The following ENPP6 variants were observed in gnomAD, a reference collection of about 807,000 sequenced individuals.
ENPP6 encodes ectonucleotide pyrophosphatase/phosphodiesterase 6.
In ENPP6, 32 loss-of-function variants were observed where a neutral mutation model predicts 42.0. That is an observed-to-expected ratio of 0.76 (90% confidence interval 0.58 to 1.02). The LOEUF (loss-of-function observed/expected upper bound fraction) is 1.02, where lower values mean the gene tolerates loss of function less well. Among genes scored for constraint, ENPP6 ranks in the 50% least tolerant of loss-of-function variants. The pLI is 0.00. For missense variants in ENPP6, 552 were observed against 566.8 expected, an observed-to-expected ratio of 0.97 and a Z score of 0.27; for synonymous variants, 213 against 216.0, an observed-to-expected ratio of 0.99 and a Z score of 0.12.
intron 1 of ENPP6, among the ~76,000 whole-genome samples, chr4:184,168,379 C>T (rs1056851894): frequency 6.6e-6 from 1 of 152,136 alleles, no homozygotes; most frequent in African/African-American, 2.4e-5. Flanking sequence ...GGGATGGGGC[C>T]GGACAGTCCA....
intron 1 of ENPP6, among the ~76,000 whole-genome samples, chr4:184,183,153 G>A (rs776595755): frequency 4.6e-5 from 7 of 152,326 alleles, no homozygotes; most frequent in East Asian, 1.9e-4. Flanking sequence ...TTGCCTGCAC[G>A]ATGTGCATGC....
chr4:184,158,762 G>A (rs1437744126), intron 1 of ENPP6, among the ~76,000 whole-genome samples: 1 of 152,166 alleles, frequency 6.6e-6, no homozygotes, highest in Non-Finnish European at 1.5e-5. Context: ...AGCTCCAGGG[G>A]TTCTTTAATG....
rs17075359 is a variant in ENPP6 at position 184,145,888 on chromosome 4, T to C, written c.421+7666A>G. The stretch of plus-strand genomic sequence containing the variant: ...CTGCCCAAGAATAAATGGAGTATTA[T>C]GCAGTTGTGTTGAAACAAATTTGGA... On this transcript the variant is annotated intron_variant, in intron 2 of 7. Transcript: ENST00000296741. 8.0e-3 allele frequency among the ~76,000 whole-genome samples: 1,224 copies of C among 152,340 alleles called. 22 individuals are homozygous for C. The highest frequency in any genetic ancestry group is 0.028 in the African/African-American group (1,159 of 41,562).
chr4:184,142,216 G>A (rs919555500), intron 2 of ENPP6, among the ~76,000 whole-genome samples: 6 of 152,198 alleles, frequency 3.9e-5, no homozygotes, highest in African/African-American at 1.2e-4. Flanking sequence ...TAGAGCCTAG[G>A]TTTCCCCTTC....
chr4:184,172,223 G>A (rs918617626), intron 1 of ENPP6, among the ~76,000 whole-genome samples: 6 of 152,114 alleles, frequency 3.9e-5, no homozygotes, highest in Non-Finnish European at 7.4e-5. Context: ...GATTTTACTC[G>A]AGGCATAATG....
intron 2 of ENPP6, among the ~76,000 whole-genome samples, chr4:184,142,286 G>A (rs1416714371): frequency 1.3e-5 from 2 of 152,208 alleles, no homozygotes; most frequent in South Asian, 4.1e-4. Context: ...ACCCCTGTGC[G>A]CTGCATTTTA....
intron 1 of ENPP6, among the ~76,000 whole-genome samples, chr4:184,165,940 G>A (rs1419824375): frequency 6.6e-6 from 1 of 152,186 alleles, no homozygotes; most frequent in African/African-American, 2.4e-5. Context: ...ATTTGGAGGT[G>A]TAAAGATTAG....
At chr4:184,105,045 T>A (rs1375331201) in intron 6 of ENPP6, among the ~76,000 whole-genome samples, 3 of 152,182 alleles carry the variant, frequency 2.0e-5, no homozygotes, top group Non-Finnish European at 4.4e-5. Context: ...TTCCAGAGAT[T>A]CTACTGATTA....
intron 1 of ENPP6, among the ~76,000 whole-genome samples, chr4:184,212,776 G>T (rs866280566): frequency 4.0e-5 from 6 of 151,786 alleles, no homozygotes; most frequent in Admixed American, 2.0e-4. Context: ...AGCCCGTATC[G>T]CCAAGTCAAT....
intron 1 of ENPP6, among the ~76,000 whole-genome samples, chr4:184,200,391 G>A (rs1561009526): frequency 1.3e-5 from 2 of 152,180 alleles, no homozygotes; most frequent in Non-Finnish European, 2.9e-5. Flanking sequence ...TACATGATCT[G>A]TGGTGCGTGG....
At chr4:184,097,453 G>C in intron 6 of ENPP6, 85 bp from the exon 7 acceptor site, 2 of 1,572,022 alleles carry the variant, frequency 1.3e-6, no homozygotes, top group Non-Finnish European at 1.7e-6. Context: ...CACTCCACCG[G>C]GGGGCGCTTT....
At chr4:184,132,646 C>T (rs1167385588) in intron 2 of ENPP6, among the ~76,000 whole-genome samples, 1 of 151,884 alleles carries the variant, frequency 6.6e-6, no homozygotes, top group Non-Finnish European at 1.5e-5. Flanking sequence ...TCTTCAGTTC[C>T]AAATTTTTCT....
At chr4:184,131,199 TTC>T (rs1491333200) in intron 2 of ENPP6, among the ~76,000 whole-genome samples, 23 of 41,126 alleles carry the variant, frequency 5.6e-4, no homozygotes, top group African/African-American at 2.0e-3. Context: ...CTTTCTTTCT[TTC>T]TTCTTTCTTT....
rs377196750 is a variant in ENPP6 at position 184,134,016 on chromosome 4, AC to A, written c.422-9745del. 3.9e-3 allele frequency among the ~76,000 whole-genome samples: 598 copies of A among 152,030 alleles called. 6 individuals are homozygous for A. Among genetic ancestry groups the A allele is most frequent in the Middle Eastern group, 0.014 (4 of 294 alleles). On this transcript the variant is annotated intron_variant, in intron 2 of 7. Coordinates refer to ENST00000296741, the MANE Select transcript of ENPP6 (RefSeq NM_153343.4). ...GTATTGATAGATTCAGGATGCAAATACTTTGTTTCTAATTTTTCTATCTATG... is the reference window on the plus strand; with the variant it reads ...GTATTGATAGATTCAGGATGCAAATATTTGTTTCTAATTTTTCTATCTATG...
At chr4:184,208,019 C>CTTGTTTTA (rs78170624) in intron 1 of ENPP6, among the ~76,000 whole-genome samples, 32,715 of 151,960 alleles carry the variant, frequency 0.22, 4,299 homozygotes, top group East Asian at 0.72. Context: ...TTAACTTGGT[C>CTTGTTTTA]ACCTTTAAAG....
intron 4 of ENPP6, 68 bp from the exon 5 acceptor site, chr4:184,117,103 C>T: frequency 6.4e-7 from 1 of 1,566,482 alleles, no homozygotes; most frequent in Non-Finnish European, 8.8e-7. Flanking sequence ...AAAACCTTGT[C>T]AACTACAAAT....
intron 1 of ENPP6, among the ~76,000 whole-genome samples, chr4:184,165,605 A>C (rs1737336638): frequency 6.6e-6 from 1 of 151,354 alleles, no homozygotes; most frequent in Non-Finnish European, 1.5e-5. Context: ...TCTTGCAATC[A>C]ACTATTATGC....
chr4:184,113,963 C>CCT (rs1736271931), intron 5 of ENPP6, among the ~76,000 whole-genome samples: 1 of 126,412 alleles, frequency 7.9e-6, no homozygotes, highest in Admixed American at 8.1e-5. Context: ...TTCTTTCTTT[C>CCT]TCTCTTTCTT....
chr4:184,141,125 T>C (rs993018420), intron 2 of ENPP6, among the ~76,000 whole-genome samples: 1 of 152,186 alleles, frequency 6.6e-6, no homozygotes, highest in Non-Finnish European at 1.5e-5. Context: ...CCGAGGTGAA[T>C]TTGCGTGGGA....
Sources: gnomAD v4.1 joint callset for allele counts (sites outside exome capture counted in the v4.1 genomes callset) on GRCh38, gnomAD v4.1.1 for gene constraint, MANE v1.5 for transcripts, NCBI Gene and HGNC (gene_info 2026-07-23, HGNC 2026-07-21) for gene names.